Variants in ZNF215 observed in about 807,000 individuals in gnomAD.
The protein encoded by ZNF215 is zinc finger protein 215, also known as BWSCR2-associated zinc finger protein 2.
A neutral mutation model predicts 27.2 loss-of-function variants in ZNF215; 24 were observed. The observed-to-expected ratio is 0.88, with a 90% CI of 0.64 to 1.24. The LOEUF is 1.24. Among genes scored for constraint, ZNF215 ranks in the 50% most tolerant of loss-of-function variants. The pLI, the probability that ZNF215 is intolerant of heterozygous loss-of-function variation, is 0.00. For missense variants in ZNF215, 675 were observed against 605.7 expected, an observed-to-expected ratio of 1.11 and a Z score of -1.20; for synonymous variants, 210 against 204.0, an observed-to-expected ratio of 1.03 and a Z score of -0.25.
Position 6,956,392 on chromosome 11 carries a change from A to T in ZNF215, c.1415A>T (p.Asn472Ile). The change falls in exon 7 of 7, where the codon AAC becomes ATC. Residue 472 changes from asparagine (N) to isoleucine (I), a missense_variant. Coordinates refer to ENST00000278319, the MANE Select transcript of ZNF215 (RefSeq NM_013250.4). ...YQCVNCGKSF[N>I]RSSSLIRHQM... ...TGTGTTAACTGTGGAAAATCCTTCA[A>T]CCGGAGCTCCTCTCTTATTCGACAC... 1 of 1,614,128 alleles carries T rather than the reference A, an allele frequency of 6.2e-7. No individual in the cohort carries two copies. Among genetic ancestry groups the T allele is most frequent in the Non-Finnish European group, 8.5e-7 (1 of 1,180,018 alleles).
chr11:6,962,109 C>T (rs942979010), downstream of ZNF215, among the ~76,000 whole-genome samples: 1 of 150,198 alleles, frequency 6.7e-6, no homozygotes, highest in African/African-American at 2.5e-5. Context: ...CTTAGGGAAA[C>T]CATAAGAAAT....
At chr11:6,980,722 T>C (rs1018139923) in intron 5 of ZNF215, among the ~76,000 whole-genome samples, 7 of 149,966 alleles carry the variant, frequency 4.7e-5, no homozygotes, top group African/African-American at 1.7e-4. Context: ...ACTCGTCATT[T>C]AGCATTAGGT....
Position 6,943,169 on chromosome 11 carries a change from G to A in ZNF215, c.570G>A (p.Arg190=), listed in dbSNP as rs768958760. 12 of 1,613,794 alleles carry A rather than the reference G, an allele frequency of 7.4e-6. No homozygotes were observed. In the East Asian group the frequency reaches 2.7e-4, roughly 36 times the overall value. Residue 190 remains arginine (R), a synonymous_variant, in exon 5 of 7, where the codon AGG becomes AGA. Transcript: ENST00000278319. The stretch of plus-strand genomic sequence containing the variant: ...ACTCTGCTGTAAAGAACCTGTACAG[G>A]AATGTGATGCTGGAAAACTTTAGGA... ...QLDSAVKNLY[R]NVMLENFRNL... is the part of the protein sequence containing the mutation.
At chr11:6,960,635 T>C (rs1366367065), downstream of ZNF215, among the ~76,000 whole-genome samples, 4 of 152,102 alleles carry the variant, frequency 2.6e-5, no homozygotes, top group East Asian at 7.7e-4. Flanking sequence ...AGCTATTTCA[T>C]TTTTAGAGAG....
chr11:6,927,646 G>C lies in ZNF215; in HGVS notation c.-325-16G>C, dbSNP rs1349436558. 1 of 152,106 alleles carries C rather than the reference G, an allele frequency of 6.6e-6. No individual in the cohort carries two copies. Among genetic ancestry groups the C allele is most frequent in the Non-Finnish European group, 1.5e-5 (1 of 68,030 alleles). 9.4% of individuals were successfully genotyped at this position (152,106 alleles called of 1,614,324 possible). The stretch of plus-strand genomic sequence containing the variant: ...TAGAGTTTAACTGTTATATTTCCTG[G>C]CTTTGTATATTCCAGTGTTCATCAT... On this transcript the variant is annotated splice_polypyrimidine_tract_variant and intron_variant, in intron 1 of 6. Coordinates refer to ENST00000278319, the MANE Select transcript of ZNF215 (RefSeq NM_013250.4).
At chr11:6,927,230 C>T (rs1420065643) in intron 1 of ZNF215, among the ~76,000 whole-genome samples, 1 of 152,094 alleles carries the variant, frequency 6.6e-6, no homozygotes, top group Non-Finnish European at 1.5e-5. Context: ...CTGGCCACCT[C>T]CCTAAAAGAT....
intron 6 of ZNF215, among the ~76,000 whole-genome samples, chr11:6,951,764 G>T (rs1365793784): frequency 6.6e-6 from 1 of 151,892 alleles, no homozygotes; most frequent in African/African-American, 2.4e-5. Context: ...GTTATTTCTT[G>T]CCTTCTGCTA....
chr11:6,959,377 A>G (rs1345285196), downstream of ZNF215, among the ~76,000 whole-genome samples: 2 of 152,208 alleles, frequency 1.3e-5, no homozygotes, highest in Non-Finnish European at 2.9e-5. Flanking sequence ...CTTGTAAGCC[A>G]CTTTAGAAGT....
At position 6,951,145 on chromosome 11, in the gene ZNF215, T is replaced by C. The variant is rs551285830; in HGVS notation, c.713-4545T>C. ...CTGGATTTGCTTTGCCAGTATTTTA[T>C]TGAGGATTTTTGCATCAATGTTCAT... On this transcript the variant is annotated intron_variant, in intron 6 of 6. Coordinates refer to ENST00000278319, the MANE Select transcript of ZNF215 (RefSeq NM_013250.4). Among the ~76,000 whole-genome samples the C allele has an allele frequency of 9.0e-3, 1,378 of 152,356 alleles. 11 individuals carry two copies. Among genetic ancestry groups the C allele is most frequent in the Non-Finnish European group, 0.014 (971 of 68,032 alleles).
chr11:6,965,898 G>A (rs1193503039), intron 5 of ZNF215, among the ~76,000 whole-genome samples: 7 of 152,082 alleles, frequency 4.6e-5, no homozygotes, highest in African/African-American at 1.7e-4. Flanking sequence ...CCTTGGTCTA[G>A]TTTGGATTAG....
At chr11:6,954,702 C>G (rs1590069937) in intron 6 of ZNF215, among the ~76,000 whole-genome samples, 1 of 152,208 alleles carries the variant, frequency 6.6e-6, no homozygotes, top group Non-Finnish European at 1.5e-5. Context: ...GAAGCAATGC[C>G]TCGCCCTGCT....
In ZNF215 at chr11:6,957,658, A is replaced by C. The variant is rs895961248; in HGVS notation, c.*1127A>C. 1.4e-6 allele frequency: 1 copy of C among 714,396 alleles called. No homozygotes were observed. The highest frequency in any genetic ancestry group is 1.7e-6 in the Non-Finnish European group (1 of 582,954). 44.3% of individuals were successfully genotyped at this position (714,396 alleles called of 1,614,324 possible). On this transcript the variant is annotated 3_prime_UTR_variant, in exon 7 of 7. Coordinates refer to ENST00000278319, the MANE Select transcript of ZNF215 (RefSeq NM_013250.4). The stretch of plus-strand genomic sequence containing the variant: ...AACTCTTGTTTGTATCCATTAGTCT[A>C]TGGTAAAATTGGTTTTGTTATACAT...
chr11:6,988,295 A>G (rs540452390), downstream of ZNF215: 3 of 973,564 alleles, frequency 3.1e-6, no homozygotes, highest in Admixed American at 1.2e-4. Flanking sequence ...CAGCCTGACC[A>G]AAGAAATCAA....
chr11:6,933,376 T>C (rs899115585), intron 3 of ZNF215, among the ~76,000 whole-genome samples: 1 of 152,192 alleles, frequency 6.6e-6, no homozygotes, highest in Non-Finnish European at 1.5e-5. Context: ...ACTTTCACAA[T>C]GAATAAACCA....
intron 6 of ZNF215, among the ~76,000 whole-genome samples, chr11:6,951,326 A>T (rs1850049794): frequency 6.6e-6 from 1 of 151,916 alleles, no homozygotes; most frequent in South Asian, 2.1e-4. Context: ...TCCTCCTTGT[A>T]CCTCTGGTAG....
At position 6,957,070 on chromosome 11, in the gene ZNF215, C is replaced by T. The variant is rs540559700; in HGVS notation, c.*539C>T. On this transcript the variant is annotated 3_prime_UTR_variant, in exon 7 of 7. Coordinates refer to ENST00000278319, the MANE Select transcript of ZNF215 (RefSeq NM_013250.4). The stretch of plus-strand genomic sequence containing the variant: ...CACTCCTGACAATACCCTTTGTTGT[C>T]TTGCTGTTGAATGGAGACTAGAGTT... 1 of 985,798 alleles carries T rather than the reference C, an allele frequency of 1.0e-6. No homozygotes were observed. The highest frequency in any genetic ancestry group is 1.1e-4 in the East Asian group (1 of 8,826). 61.1% of individuals were successfully genotyped at this position (985,798 alleles called of 1,614,324 possible). A position where few individuals can be genotyped will look rare whatever the true frequency, so the allele number is the denominator to read the frequency against.
chr11:6,980,704 A>G, intron 5 of ZNF215, among the ~76,000 whole-genome samples: 1 of 150,282 alleles, frequency 6.7e-6, no homozygotes, highest in African/African-American at 2.4e-5. Context: ...GGTGTGCTGC[A>G]CCCATTAACT....
At chr11:6,954,104 CAG>C (rs1375856338) in intron 6 of ZNF215, among the ~76,000 whole-genome samples, 3 of 152,120 alleles carry the variant, frequency 2.0e-5, no homozygotes, top group African/African-American at 7.2e-5. Flanking sequence ...AGTTTTGTCT[CAG>C]AGGAATACCC....
downstream of ZNF215, among the ~76,000 whole-genome samples, chr11:6,985,647 T>C (rs1851043081): frequency 6.6e-6 from 1 of 152,176 alleles, no homozygotes; most frequent in Admixed American, 6.5e-5. Context: ...CTAAAGACTC[T>C]GCAAAAATGC....
Sources: allele counts gnomAD v4.1 joint callset (sites outside exome capture counted in the v4.1 genomes callset), GRCh38; gene constraint gnomAD v4.1.1; transcripts MANE v1.5; gene names NCBI Gene and HGNC (gene_info 2026-07-23, HGNC 2026-07-21).